Variants in EFCAB13 observed in about 807,000 individuals in gnomAD.
EFCAB13 encodes EF-hand calcium binding domain 13.
In EFCAB13, 91 loss-of-function variants were observed where a neutral mutation model predicts 110.2. The ratio of observed to expected loss-of-function variants is 0.83; its 90% CI spans 0.70 to 0.98. EFCAB13 has a LOEUF of 0.98. Among genes scored for constraint, EFCAB13 ranks in the 50% least tolerant of loss-of-function variants. The pLI is 0.00. For synonymous variants in EFCAB13, 323 were observed against 369.9 expected (o/e 0.87, Z 1.45); for missense variants, 968 against 1,119.4 (o/e 0.86, Z 1.93).
chr17:47,411,732 C>T (rs1422843234), intron 21 of EFCAB13, among the ~76,000 whole-genome samples: 1 of 152,148 alleles, frequency 6.6e-6, no homozygotes, highest in African/African-American at 2.4e-5. Flanking sequence ...CAACAATTTT[C>T]AGCATATGGA....
At chr17:47,432,995 G>A (rs1413390679) in intron 24 of EFCAB13, among the ~76,000 whole-genome samples, 1 of 152,144 alleles carries the variant, frequency 6.6e-6, no homozygotes, top group Non-Finnish European at 1.5e-5. Context: ...TTAAACTACA[G>A]AATATATTTG....
At chr17:47,325,280 G>T (rs555285086) in intron 2 of EFCAB13, among the ~76,000 whole-genome samples, 1 of 151,462 alleles carries the variant, frequency 6.6e-6, no homozygotes, top group South Asian at 2.1e-4. Context: ...CCCCACCCCC[G>T]CATCAAAGTG....
intron 20 of EFCAB13, chr17:47,409,352 G>A: frequency 6.7e-6 from 2 of 298,400 alleles, no homozygotes; most frequent in Non-Finnish European, 1.3e-5. Context: ...GAATAGACCG[G>A]CTGGGGATTA....
At chr17:47,351,218 T>C (rs1331518964) in intron 9 of EFCAB13, among the ~76,000 whole-genome samples, 2 of 152,072 alleles carry the variant, frequency 1.3e-5, no homozygotes, top group African/African-American at 4.8e-5. Context: ...AGTTAATAGT[T>C]TCATCCATGT....
At chr17:47,415,140 A>C in intron 23 of EFCAB13, among the ~76,000 whole-genome samples, 1 of 152,116 alleles carries the variant, frequency 6.6e-6, no homozygotes, top group Non-Finnish European at 1.5e-5. Flanking sequence ...CACAAGAACA[A>C]AAAACCAAAC....
intron 4 of EFCAB13, among the ~76,000 whole-genome samples, chr17:47,331,859 A>G (rs183322916): frequency 3.3e-5 from 5 of 152,136 alleles, no homozygotes; most frequent in Admixed American, 3.3e-4. Context: ...TTTTCACTTA[A>G]TGTGCATTTA....
intron 19 of EFCAB13, among the ~76,000 whole-genome samples, 164 bp downstream of exon 19, chr17:47,404,185 G>C (rs776575500): frequency 6.6e-6 from 1 of 152,072 alleles, no homozygotes; most frequent in Non-Finnish European, 1.5e-5. Context: ...CTATACAAGC[G>C]GGTCTAGATT....
rs774316326 is a variant in EFCAB13, at chr17:47,440,847, T to A, written c.*133T>A. 5 of 702,342 alleles carry A rather than the reference T, an allele frequency of 7.1e-6. No homozygotes were observed. Among genetic ancestry groups the A allele is most frequent in the Non-Finnish European group, 1.1e-5 (5 of 452,106 alleles). 43.5% of individuals were successfully genotyped at this position (702,342 alleles called of 1,614,324 possible). On this transcript the variant is annotated 3_prime_UTR_variant, in exon 25 of 25. Transcript: ENST00000331493. ...CCAGTAGAATTTTTATCACTATCTG[T>A]TATGTTCTCATGTATCTTCAGCGAC... is the stretch of plus-strand genomic sequence containing the variant.
At chr17:47,398,001 TC>T (rs1160977405) in intron 17 of EFCAB13, among the ~76,000 whole-genome samples, 3 of 128,072 alleles carry the variant, frequency 2.3e-5, no homozygotes, top group African/African-American at 6.1e-5. Flanking sequence ...AGCCGCCCCG[TC>T]CGGGAGGGAG....
At chr17:47,419,896 C>T (rs1372429207) in intron 23 of EFCAB13, among the ~76,000 whole-genome samples, 1 of 151,394 alleles carries the variant, frequency 6.6e-6, no homozygotes, top group African/African-American at 2.4e-5. Context: ...ACCAAGAGAT[C>T]TACATATAAG....
chr17:47,338,243 GTTTTT>G (rs11334311), intron 5 of EFCAB13, among the ~76,000 whole-genome samples: 1 of 137,796 alleles, frequency 7.3e-6, no homozygotes, highest in African/African-American at 2.7e-5. Context: ...GTCACTACTA[GTTTTT>G]TTTTTTTTTT....
chr17:47,361,392 T>A lies in EFCAB13; in HGVS notation c.676T>A (p.Leu226Met), dbSNP rs764398730. The change falls in exon 10 of 25, where the codon TTG (leucine) becomes ATG (methionine). Residue 226 changes from leucine (L) to methionine (M), a missense_variant. Leu to Met is a conservative substitution (Grantham distance 15). Transcript: ENST00000331493. ...CTTTTTTGCAGCATTCCAGGATGCC[T>A]TGAAGATTTTCTGTAGGATAAAAGG... Reference protein sequence around the residue: ...TVDIDAFQDALKIFCRIKGGR... With the variant: ...TVDIDAFQDAMKIFCRIKGGR... 1 of 1,613,082 alleles carries A rather than the reference T, an allele frequency of 6.2e-7. No homozygotes were observed. The highest frequency in any genetic ancestry group is 1.1e-5 in the South Asian group (1 of 90,886).
chr17:47,412,881 A>G lies in EFCAB13; in HGVS notation c.2387A>G (p.Asp796Gly), dbSNP rs374577838. Reference protein sequence around the residue: ...KCLNVNLTEEDFNEALNCCNV... With the variant: ...KCLNVNLTEEGFNEALNCCNV... The stretch of plus-strand genomic sequence containing the variant: ...TTGAATGTTAATTTAACTGAGGAGG[A>G]CTTCAATGAAGCCCTTAACTGTTGT... Residue 796 changes from aspartate to glycine, a missense_variant, in exon 22 of 25, where the codon GAC (aspartate) becomes GGC (glycine). Physicochemically the swap from Asp to Gly is moderately conservative, Grantham distance 94. Coordinates refer to ENST00000331493, the MANE Select transcript of EFCAB13 (RefSeq NM_152347.5). The G allele has an allele frequency of 1.6e-5, 26 of 1,613,644 alleles. No individual in the cohort carries two copies. Among genetic ancestry groups the G allele is most frequent in the Non-Finnish European group, 2.2e-5 (26 of 1,179,828 alleles).
intron 13 of EFCAB13, among the ~76,000 whole-genome samples, chr17:47,378,639 G>T (rs1188563513): frequency 6.6e-6 from 1 of 151,950 alleles, no homozygotes; most frequent in Non-Finnish European, 1.5e-5. Context: ...AGCCCTTTTT[G>T]CTGCTTATCA....
chr17:47,349,984 C>G (rs939026092), intron 9 of EFCAB13, among the ~76,000 whole-genome samples: 32 of 151,680 alleles, frequency 2.1e-4, no homozygotes, highest in Non-Finnish European at 4.1e-4. Flanking sequence ...CCTTGTTAGC[C>G]AGGATGGTCT....
chr17:47,434,872 C>G (rs1905184323), intron 24 of EFCAB13, among the ~76,000 whole-genome samples: 1 of 152,044 alleles, frequency 6.6e-6, no homozygotes, highest in Non-Finnish European at 1.5e-5. Context: ...CATCACTCAC[C>G]TTATACAAAA....
At chr17:47,424,699 T>C (rs933372439) in intron 23 of EFCAB13, among the ~76,000 whole-genome samples, 2 of 151,926 alleles carry the variant, frequency 1.3e-5, no homozygotes, top group Non-Finnish European at 2.9e-5. Flanking sequence ...TAAGTCATGA[T>C]GTGAATCTTC....
chr17:47,328,285 A>G lies in EFCAB13; in HGVS notation c.-69A>G, dbSNP rs1464844017. The G allele has an allele frequency of 3.8e-6, 5 of 1,309,448 alleles. No homozygotes were observed. Among genetic ancestry groups the G allele is most frequent in the East Asian group, 2.3e-5 (1 of 43,364 alleles). The allele number at this position is 1,309,448 out of a possible 1,614,324, so 81.1% of individuals were successfully genotyped here. On this transcript the variant is annotated 5_prime_UTR_variant, in exon 4 of 25. Transcript: ENST00000331493. ...TTTTGGCAGGAAATCCTTTTGTACT[A>G]TTGCTCATTCATACTTGTTCATCAA... is the stretch of plus-strand genomic sequence containing the variant.
chr17:47,352,800 T>C (rs1876942594), intron 9 of EFCAB13, among the ~76,000 whole-genome samples: 1 of 152,210 alleles, frequency 6.6e-6, no homozygotes, highest in African/African-American at 2.4e-5. Flanking sequence ...ATCTTTCACC[T>C]CTTTGGTTAA....
Sources: gnomAD v4.1 joint callset for allele counts (sites outside exome capture counted in the v4.1 genomes callset) on GRCh38, gnomAD v4.1.1 for gene constraint, MANE v1.5 for transcripts, NCBI Gene and HGNC (gene_info 2026-07-23, HGNC 2026-07-21) for gene names.